Variants in COL4A6 observed in about 807,000 individuals in gnomAD.
The protein encoded by COL4A6 is collagen alpha-6(IV) chain.
Under a neutral mutation model 126.7 loss-of-function variants are expected in COL4A6, and 59 were observed. The observed-to-expected ratio is 0.47, with a 90% CI of 0.38 to 0.58. COL4A6 has a LOEUF of 0.58. Among genes scored for constraint, COL4A6 ranks in the 20% least tolerant of loss-of-function variants. COL4A6 has a pLI of 0.00. For synonymous variants in COL4A6, 547 were observed against 496.6 expected (o/e 1.10, Z -1.35); for missense variants, 1,285 against 1,337.3 (o/e 0.96, Z 0.61).
At chrX:108,362,572 A>G (rs749894044) in intron 2 of COL4A6, among the ~76,000 whole-genome samples, 5 of 112,136 alleles carry the variant, frequency 4.5e-5, no homozygotes, top group Non-Finnish European at 9.4e-5. Flanking sequence ...TTTAAAAAGC[A>G]TTCAGCCTAT....
rs184050526 is a variant in COL4A6, at chrX:108,434,853, G to A, written c.63+3089C>T. ...TGATTTTTCATAGCTAGCTGATATAGGATATTTGCTAGCAGGTAAAGTAGA... is the reference window on the plus strand; with the variant it reads ...TGATTTTTCATAGCTAGCTGATATAAGATATTTGCTAGCAGGTAAAGTAGA... On this transcript the variant is annotated intron_variant, in intron 2 of 44. Coordinates refer to ENST00000334504, the MANE Select transcript of COL4A6 (RefSeq NM_033641.4). Among the ~76,000 whole-genome samples, 96 of 109,055 alleles carry A rather than the reference G, an allele frequency of 8.8e-4. 1 individual carries two copies. Among genetic ancestry groups the A allele is most frequent in the African/African-American group, 2.9e-3 (88 of 30,039 alleles). 94.7% of individuals were successfully genotyped at this position (109,055 alleles called of 115,157 possible). A position where few individuals can be genotyped will look rare whatever the true frequency, so the allele number is the denominator to read the frequency against.
intron 2 of COL4A6, among the ~76,000 whole-genome samples, chrX:108,345,540 T>C (rs1452140694): frequency 9.0e-6 from 1 of 111,707 alleles, no homozygotes; most frequent in African/African-American, 3.3e-5. Context: ...TACATTTTCT[T>C]AACCTGATTA....
intron 2 of COL4A6, among the ~76,000 whole-genome samples, chrX:108,419,715 C>G (rs2041496622): frequency 8.9e-6 from 1 of 111,868 alleles, no homozygotes; most frequent in Admixed American, 9.5e-5. Context: ...GTCAAAGGGT[C>G]ACAGAATTAT....
chrX:108,390,242 G>T lies in COL4A6; in HGVS notation c.63+47700C>A, dbSNP rs1044777291. 2.7e-5 allele frequency among the ~76,000 whole-genome samples: 3 copies of T among 110,673 alleles called. No individual in the cohort carries two copies. In the Admixed American group the frequency reaches 2.9e-4, roughly 11 times the overall value. ...TCTTCTGGAGGAGTATTTTTGTGGT[G>T]TTCTCTGTATTTCCTGAATTTGAAT... On this transcript the variant is annotated intron_variant, in intron 2 of 44. Transcript: ENST00000334504.
rs746445028 is a variant in COL4A6 at position 108,400,355 on chromosome X, A to G, written c.63+37587T>C. 4.5e-5 allele frequency among the ~76,000 whole-genome samples: 5 copies of G among 111,383 alleles called. No individual in the cohort carries two copies. The East Asian group carries it at 1.4e-3, about 31-fold the overall frequency. On this transcript the variant is annotated intron_variant, in intron 2 of 44. Transcript: ENST00000334504. ...CCATAAATCACATAAAGATGGTACT[A>G]TCTCATTACTCATTTTTGCTTGTAA...
intron 3 of COL4A6, among the ~76,000 whole-genome samples, chrX:108,249,297 T>G (rs962816780): frequency 9.1e-6 from 1 of 110,393 alleles, no homozygotes; most frequent in Non-Finnish European, 1.9e-5. Context: ...ATAAACTGCT[T>G]GGGATACAAC....
intron 1 of COL4A6, 69 bp downstream of exon 1, chrX:108,438,116 TA>T: frequency 8.3e-7 from 1 of 1,206,288 alleles, no homozygotes; most frequent in Non-Finnish European, 1.1e-6. Flanking sequence ...GAAGTACCAG[TA>T]TAGTCCCGGC....
chrX:108,288,997 C>A (rs895544913), intron 3 of COL4A6, among the ~76,000 whole-genome samples: 1 of 111,122 alleles, frequency 9.0e-6, no homozygotes, highest in Non-Finnish European at 1.9e-5. Flanking sequence ...AAACAACTGG[C>A]CTGGACTCTT....
chrX:108,256,613 ATAC>A (rs2037013426), intron 3 of COL4A6, among the ~76,000 whole-genome samples: 1 of 111,547 alleles, frequency 9.0e-6, no homozygotes, highest in Non-Finnish European at 1.9e-5. Flanking sequence ...TTTAACAGCC[ATAC>A]CAGTACTTTT....
chrX:108,174,869 C>T (rs933088288), intron 30 of COL4A6, among the ~76,000 whole-genome samples: 10 of 111,290 alleles, frequency 9.0e-5, no homozygotes, highest in African/African-American at 3.3e-4. Flanking sequence ...TGGTTGAAAA[C>T]CTCAGTTCTA....
intron 39 of COL4A6, 80 bp from the exon 40 acceptor site, chrX:108,164,778 G>C: frequency 4.0e-5 from 47 of 1,178,276 alleles, no homozygotes; most frequent in Non-Finnish European, 5.4e-5. Context: ...GGGTGAGGTA[G>C]GGAAGAACAT....
chrX:108,355,139 A>T (rs998036787), intron 2 of COL4A6, among the ~76,000 whole-genome samples: 2 of 111,441 alleles, frequency 1.8e-5, no homozygotes, highest in African/African-American at 6.5e-5. Context: ...ATCCAAGGAG[A>T]CCCAAGGGAC....
In COL4A6 at chrX:108,267,682, A is replaced by G. The variant is rs1005461958; in HGVS notation, c.144+43066T>C. The G allele has an allele frequency of 4.8e-4, 8 of 16,580 alleles. No homozygotes were observed. In the Non-Finnish European group the frequency reaches 0.027, roughly 56 times the overall value. 1.4% of individuals were successfully genotyped at this position (16,580 alleles called of 1,213,427 possible). On this transcript the variant is annotated intron_variant, in intron 3 of 44. Transcript: ENST00000334504. Reference sequence around the variant, plus strand: ...CATTTTATTTCAACCTAAAACACACAAAGGTACATTCATTCACCACTCTGG... The same window carrying G: ...CATTTTATTTCAACCTAAAACACACGAAGGTACATTCATTCACCACTCTGG...
At chrX:108,294,352 G>A (rs957925880) in intron 3 of COL4A6, among the ~76,000 whole-genome samples, 7 of 109,325 alleles carry the variant, frequency 6.4e-5, no homozygotes, top group African/African-American at 1.7e-4. Flanking sequence ...GATCTTCATT[G>A]CAAACTAATG....
intron 3 of COL4A6, among the ~76,000 whole-genome samples, chrX:108,310,095 C>T (rs1045480118): frequency 1.8e-5 from 2 of 110,828 alleles, no homozygotes; most frequent in African/African-American, 6.6e-5. Flanking sequence ...ATACAAATAT[C>T]TAGGGGCTAT....
At chrX:108,247,703 C>T (rs2036749372) in intron 3 of COL4A6, among the ~76,000 whole-genome samples, 1 of 111,562 alleles carries the variant, frequency 9.0e-6, no homozygotes. Context: ...GCATTTCCGG[C>T]ATGAAGTTTT....
At chrX:108,404,274 T>C (rs1406642729) in intron 2 of COL4A6, among the ~76,000 whole-genome samples, 1 of 112,071 alleles carries the variant, frequency 8.9e-6, no homozygotes, top group Non-Finnish European at 1.9e-5. Flanking sequence ...CCTATTAATC[T>C]CTCCTGTCAG....
chrX:108,293,724 G>T lies in COL4A6; in HGVS notation c.144+17024C>A, dbSNP rs1490970581. On this transcript the variant is annotated intron_variant, in intron 3 of 44. Transcript: ENST00000334504. ...CTACAGGTCAAGTGATTTTTTTTTT[G>T]ATGACACCTGGGAATCATTGTAGAT... Among the ~76,000 whole-genome samples, 3 of 110,261 alleles carry T rather than the reference G, an allele frequency of 2.7e-5. No homozygotes were observed. In the Admixed American group the frequency reaches 2.9e-4, roughly 11 times the overall value.
chrX:108,193,645 T>C lies in COL4A6; in HGVS notation c.1055A>G (p.Asp352Gly), dbSNP rs1470110631. ...AGTTGCACCTGAGATCACAGCACCA[T>C]CTATATCGATGAAAACATCTGGGCC... ...LPGPDVFIDI[D>G]GAVISGNPGD... The change falls in exon 17 of 45, where the codon GAT (aspartate) becomes GGT (glycine). Residue 352 changes from aspartate (D) to glycine (G), a missense_variant. Coordinates refer to ENST00000334504, the MANE Select transcript of COL4A6 (RefSeq NM_033641.4). 4.1e-6 allele frequency: 5 copies of C among 1,206,919 alleles called. No individual in the cohort carries two copies. The highest frequency in any genetic ancestry group is 5.6e-6 in the Non-Finnish European group (5 of 892,421).
Sources: allele counts gnomAD v4.1 joint callset (sites outside exome capture counted in the v4.1 genomes callset), GRCh38; gene constraint gnomAD v4.1.1; transcripts MANE v1.5; gene names NCBI Gene and HGNC (gene_info 2026-07-23, HGNC 2026-07-21).